Variants in ATRNL1 observed in about 807,000 individuals in gnomAD.
ATRNL1 encodes the protein attractin-like protein 1.
A neutral mutation model predicts 182.7 loss-of-function variants in ATRNL1; 95 were observed. The observed-to-expected ratio is 0.52, with a 90% CI of 0.44 to 0.62. The LOEUF is 0.62. Among genes scored for constraint, ATRNL1 ranks in the 20% least tolerant of loss-of-function variants. ATRNL1 has a pLI of 0.00. For missense variants in ATRNL1, 1,471 were observed against 1,679.5 expected (o/e 0.88, Z 2.17); for synonymous variants, 576 against 568.3 (o/e 1.01, Z -0.19).
chr10:115,944,910 A>C lies in ATRNL1; in HGVS notation c.*131A>C. 4 of 1,082,414 alleles carry C rather than the reference A, an allele frequency of 3.7e-6. No individual in the cohort carries two copies. Among genetic ancestry groups the C allele is most frequent in the South Asian group, 3.0e-5 (1 of 32,874 alleles). The allele number at this position is 1,082,414 out of a possible 1,614,324, so 67.1% of individuals were successfully genotyped here. ...GAGCCTGAGTACAGTTTCCTTCCAA[A>C]TGGACAATGACCCAGGTGGCCAAAG... On this transcript the variant is annotated 3_prime_UTR_variant, in exon 29 of 29. Coordinates refer to ENST00000355044, the MANE Select transcript of ATRNL1 (RefSeq NM_207303.4).
chr10:115,396,400 G>C (rs1346269560), intron 20 of ATRNL1, among the ~76,000 whole-genome samples: 1 of 151,922 alleles, frequency 6.6e-6, no homozygotes, highest in Non-Finnish European at 1.5e-5. Flanking sequence ...ATTTATACAG[G>C]TTCCCACACT....
At chr10:115,358,769 T>C (rs939340764) in intron 19 of ATRNL1, among the ~76,000 whole-genome samples, 9 of 151,620 alleles carry the variant, frequency 5.9e-5, no homozygotes, top group Admixed American at 2.0e-4. Context: ...TAAACCAGTA[T>C]GTTCTTATAT....
At chr10:115,615,940 C>T (rs143352449) in intron 26 of ATRNL1, among the ~76,000 whole-genome samples, 6 of 152,134 alleles carry the variant, frequency 3.9e-5, no homozygotes, top group African/African-American at 1.2e-4. Context: ...TATAAAGATA[C>T]CTGAAAATGT....
chr10:115,167,395 G>T (rs1847095681), intron 7 of ATRNL1, among the ~76,000 whole-genome samples: 1 of 151,990 alleles, frequency 6.6e-6, no homozygotes. Context: ...TCCCTTGAAA[G>T]TCTATATGAA....
intron 28 of ATRNL1, among the ~76,000 whole-genome samples, chr10:115,890,774 T>C (rs1483551069): frequency 6.6e-6 from 1 of 152,214 alleles, no homozygotes; most frequent in African/African-American, 2.4e-5. Context: ...AGCTTAATGG[T>C]ACCTTTTAGT....
At chr10:115,717,437 TC>T (rs1425175637) in intron 26 of ATRNL1, among the ~76,000 whole-genome samples, 1 of 152,154 alleles carries the variant, frequency 6.6e-6, no homozygotes, top group Non-Finnish European at 1.5e-5. Context: ...AGTCTGCCCT[TC>T]ACCATATTGC....
chr10:115,285,513 G>A (rs2133936339), intron 14 of ATRNL1, among the ~76,000 whole-genome samples: 1 of 152,186 alleles, frequency 6.6e-6, no homozygotes, highest in South Asian at 2.1e-4. Context: ...GCACACTAAA[G>A]TTTAGCCTTA....
intron 26 of ATRNL1, among the ~76,000 whole-genome samples, chr10:115,634,495 A>G (rs575947876): frequency 4.6e-5 from 7 of 152,284 alleles, no homozygotes; most frequent in African/African-American, 1.7e-4. Context: ...GACAGTATGC[A>G]AATAAAATGT....
chr10:115,527,935 C>T (rs1318798882), intron 25 of ATRNL1, among the ~76,000 whole-genome samples: 1 of 109,430 alleles, frequency 9.1e-6, no homozygotes, highest in Non-Finnish European at 1.9e-5. Context: ...TCCCTCCTTC[C>T]TTCTCCTTCC....
intron 20 of ATRNL1, among the ~76,000 whole-genome samples, chr10:115,415,504 C>CT (rs782767524): frequency 1.6e-3 from 227 of 143,932 alleles, no homozygotes; most frequent in South Asian, 2.4e-3. Flanking sequence ...ACTAATTGCA[C>CT]TTTTTTTTTT....
At chr10:115,559,672 A>G (rs141362241) in intron 26 of ATRNL1, among the ~76,000 whole-genome samples, 32 of 152,372 alleles carry the variant, frequency 2.1e-4, no homozygotes, top group African/African-American at 7.2e-4. Context: ...CAATAGATAT[A>G]GAGAAAGCAT....
intron 27 of ATRNL1, among the ~76,000 whole-genome samples, chr10:115,807,584 C>T (rs1200335723): frequency 2.0e-5 from 3 of 152,142 alleles, no homozygotes; most frequent in Non-Finnish European, 4.4e-5. Flanking sequence ...AGAAATTACT[C>T]GCATTTAGAT....
At chr10:115,226,512 A>G (rs1849703449) in intron 9 of ATRNL1, among the ~76,000 whole-genome samples, 3 of 152,072 alleles carry the variant, frequency 2.0e-5, no homozygotes, top group Admixed American at 6.6e-5. Flanking sequence ...AGCAATTTAC[A>G]GAATCAGTGC....
At chr10:115,214,584 A>G (rs782388646) in intron 8 of ATRNL1, among the ~76,000 whole-genome samples, 2 of 152,034 alleles carry the variant, frequency 1.3e-5, no homozygotes, top group African/African-American at 2.4e-5. Context: ...ATCATTTTCT[A>G]TTAGTTGATT....
chr10:115,211,847 T>A (rs886496859), intron 8 of ATRNL1, among the ~76,000 whole-genome samples: 1 of 150,284 alleles, frequency 6.7e-6, no homozygotes, highest in Non-Finnish European at 1.5e-5. Flanking sequence ...CACCTATGAG[T>A]TTAAAAACTC....
At chr10:115,298,172 GAA>G (rs1853298511) in intron 15 of ATRNL1, among the ~76,000 whole-genome samples, 1 of 152,132 alleles carries the variant, frequency 6.6e-6, no homozygotes, top group Admixed American at 6.6e-5. Flanking sequence ...TGTATAAACT[GAA>G]GATAACCCTT....
At position 115,493,962 on chromosome 10, in the gene ATRNL1, A is replaced by G. The variant is rs373039902; in HGVS notation, c.3654+24633A>G. ...TCTTTGCCCACATTTTAATGGGGTT[A>G]TGTTTTTTTTGGTTGTTAATTTTTA... is the stretch of plus-strand genomic sequence containing the variant. On this transcript the variant is annotated intron_variant, in intron 24 of 28. Coordinates refer to ENST00000355044, the MANE Select transcript of ATRNL1 (RefSeq NM_207303.4). Among the ~76,000 whole-genome samples the G allele has an allele frequency of 1.3e-4, 20 of 152,086 alleles. No individual in the cohort carries two copies. In the South Asian group the frequency reaches 3.9e-3, roughly 30 times the overall value.
chr10:115,282,010 T>C (rs2133926839), intron 14 of ATRNL1, among the ~76,000 whole-genome samples: 1 of 146,692 alleles, frequency 6.8e-6, no homozygotes, highest in South Asian at 2.1e-4. Context: ...AAAAATATTA[T>C]ATATATAATA....
chr10:115,439,277 C>G (rs73367419), intron 21 of ATRNL1, among the ~76,000 whole-genome samples: 11,674 of 151,692 alleles, frequency 0.077, 1,485 homozygotes, highest in African/African-American at 0.26. Context: ...AGTGGACTTG[C>G]ATAGCTCAAA....
Sources: gnomAD v4.1 joint callset for allele counts (sites outside exome capture counted in the v4.1 genomes callset) on GRCh38, gnomAD v4.1.1 for gene constraint, MANE v1.5 for transcripts, NCBI Gene and HGNC (gene_info 2026-07-23, HGNC 2026-07-21) for gene names.